Variants in SF3B1 observed in about 807,000 individuals in gnomAD.
SF3B1 encodes splicing factor 3b subunit 1.
Under a neutral mutation model 153.8 loss-of-function variants are expected in SF3B1, and 12 were observed. The ratio of observed to expected loss-of-function variants is 0.08; its 90% CI spans 0.05 to 0.13. The LOEUF (loss-of-function observed/expected upper bound fraction) is 0.13. Ranked by LOEUF, SF3B1 falls within the 10% of genes least tolerant of loss-of-function variation. The pLI is 1.00. For missense variants in SF3B1, 513 were observed against 1,606.1 expected, an observed-to-expected ratio of 0.32 and a Z score of 11.63; for synonymous variants, 498 against 525.2, an observed-to-expected ratio of 0.95 and a Z score of 0.71.
At chr2:197,409,645 T>C in intron 7 of SF3B1, 125 bp downstream of exon 7, 1 of 786,484 alleles carries the variant, frequency 1.3e-6, no homozygotes, top group African/African-American at 1.7e-5. Flanking sequence ...GTTCTATTCT[T>C]AATCTGTCCC....
At position 197,405,388 on chromosome 2, in the gene SF3B1, T is replaced by C; in HGVS notation, c.1324A>G (p.Thr442Ala). Residue 442 changes from threonine (T) to alanine (A), a missense_variant, in exon 10 of 25, where the codon ACT becomes GCT. Thr to Ala is a moderately conservative substitution (Grantham distance 58, BLOSUM62 0). Coordinates refer to ENST00000335508, the MANE Select transcript of SF3B1 (RefSeq NM_012433.4). ...TATPTPLGGM[T>A]GFHMQTEDRT... ...TCTTCAGTTTGCATGTGGAAACCAG[T>C]CATACCACCCAAAGGTGTTGGAGTA... is the stretch of plus-strand genomic sequence containing the variant. 6.2e-7 allele frequency: 1 copy of C among 1,614,026 alleles called. No individual in the cohort carries two copies. Among genetic ancestry groups the C allele is most frequent in the Non-Finnish European group, 8.5e-7 (1 of 1,179,920 alleles).
In SF3B1 at chr2:197,401,440, CAGA is replaced by C. The variant is rs2084935944; in HGVS notation, c.2453_2455del (p.Phe818del). 1 of 1,612,652 alleles carries C rather than the reference CAGA, an allele frequency of 6.2e-7. No individual in the cohort carries two copies. Among genetic ancestry groups the C allele is most frequent in the South Asian group, 1.1e-5 (1 of 90,848 alleles). On this transcript the variant is annotated inframe_deletion, in exon 17 of 25. Transcript: ENST00000335508. The surrounding 1 kb of genome is among the most constrained non-coding windows in gnomAD (Gnocchi z 4.2). The stretch of plus-strand genomic sequence containing the variant: ...TCTATCCAAAGCCATCCTGTGCTGC[CAGA>C]AGTGTTTAAAAAAGGGAGGAAGAAT...
chr2:197,418,629 T>TA, intron 4 of SF3B1, 41 bp from the exon 5 acceptor site: 4 of 1,590,790 alleles, frequency 2.5e-6, no homozygotes, highest in Non-Finnish European at 3.4e-6. Flanking sequence ...GTACAATAAA[T>TA]AAAAAATAAG....
intron 8 of SF3B1, 51 bp downstream of exon 8, chr2:197,408,318 T>C (rs1295920520): frequency 6.5e-7 from 1 of 1,549,692 alleles, no homozygotes; most frequent in East Asian, 2.2e-5. Context: ...AAGGAAAAAA[T>C]TAAATAATTT....
At chr2:197,428,263 G>T (rs1175523871) in intron 1 of SF3B1, among the ~76,000 whole-genome samples, 1 of 152,164 alleles carries the variant, frequency 6.6e-6, no homozygotes, top group African/African-American at 2.4e-5. Flanking sequence ...GGAGGTTGCA[G>T]TGAGCTGAGA....
In SF3B1 at chr2:197,392,342, CT is replaced by C; in HGVS notation, c.3875del (p.Lys1292ArgfsTer33). 1 of 1,456,618 alleles carries C rather than the reference CT, an allele frequency of 6.9e-7. No individual in the cohort carries two copies. Among genetic ancestry groups the C allele is most frequent in the Non-Finnish European group, 9.6e-7 (1 of 1,037,188 alleles). The allele number at this position is 1,456,618 out of a possible 1,614,324, so 90.2% of individuals were successfully genotyped here. On this transcript the variant is annotated frameshift_variant, in exon 25 of 25. Coordinates refer to ENST00000335508, the MANE Select transcript of SF3B1 (RefSeq NM_012433.4). LOFTEE classifies it high-confidence loss of function. ...CAAGTTCATAACGAATATAGGTGTT[CT>C]TATCATCGTTGTAGATTCTTGGGTA... ...AHYPRIYNDD[K>X]NTYIRYELDY...
chr2:197,393,009 G>C lies in SF3B1; in HGVS notation c.3719C>G (p.Ala1240Gly). The change falls in exon 24 of 25, where the codon GCT becomes GGT. Residue 1240 changes from alanine to glycine, a missense_variant. By Grantham distance (60) the Ala-to-Gly change is moderately conservative. Around this residue, in one of 21 missense-constraint regions of SF3B1, gnomAD observed 27 missense variants for 126.1 expected, o/e 0.21. Coordinates refer to ENST00000335508, the MANE Select transcript of SF3B1 (RefSeq NM_012433.4). ...TTGCAACATTCTACATGGTCCAATA[G>C]CAACTCTCAGGCCCTCTAGGGCTCC... ...VMGALEGLRV[A>G]IGPCRMLQYC... 6.2e-7 allele frequency: 1 copy of C among 1,612,528 alleles called. No homozygotes were observed. Among genetic ancestry groups the C allele is most frequent in the Non-Finnish European group, 8.5e-7 (1 of 1,178,868 alleles).
At chr2:197,420,614 C>T in intron 3 of SF3B1, 72 bp from the exon 4 acceptor site, 1 of 949,904 alleles carries the variant, frequency 1.1e-6, no homozygotes, top group Non-Finnish European at 1.6e-6. Flanking sequence ...AAACAAAAAT[C>T]AGAACACCAT....
Position 197,405,342 on chromosome 2 carries a change from T to G in SF3B1, c.1370A>C (p.Asn457Thr). ...TGGAAGATTTCCAGATGGCTGGTCA[T>G]TAACACTTTTCATAGTTCGATCTTC... is the stretch of plus-strand genomic sequence containing the variant. ...QTEDRTMKSV[N>T]DQPSGNLPFL... Residue 457 changes from asparagine to threonine, a missense_variant, in exon 10 of 25, where the codon AAT (asparagine) becomes ACT (threonine). By Grantham distance (65) the Asn-to-Thr change is moderately conservative. Coordinates refer to ENST00000335508, the MANE Select transcript of SF3B1 (RefSeq NM_012433.4). 6.2e-7 allele frequency: 1 copy of G among 1,614,140 alleles called. No homozygotes were observed. Among genetic ancestry groups the G allele is most frequent in the East Asian group, 2.2e-5 (1 of 44,866 alleles).
At chr2:197,427,220 AG>A (rs1449158495) in intron 1 of SF3B1, among the ~76,000 whole-genome samples, 4 of 152,228 alleles carry the variant, frequency 2.6e-5, no homozygotes, top group African/African-American at 9.7e-5. Context: ...GGGGCTAGGC[AG>A]CTGTTTGTAG....
At chr2:197,427,358 T>C (rs2085350931) in intron 1 of SF3B1, among the ~76,000 whole-genome samples, 1 of 152,260 alleles carries the variant, frequency 6.6e-6, no homozygotes, top group Non-Finnish European at 1.5e-5. Flanking sequence ...AACAGCTTAA[T>C]GGGCTTTGTT....
chr2:197,398,729 T>G, intron 20 of SF3B1, 148 bp from the exon 21 acceptor site: 1 of 716,712 alleles, frequency 1.4e-6, no homozygotes, highest in South Asian at 2.0e-5. Context: ...CTGACCAGAC[T>G]CAGAATCGTT....
chr2:197,413,964 GC>G (rs1341426266), intron 6 of SF3B1, among the ~76,000 whole-genome samples: 1 of 152,042 alleles, frequency 6.6e-6, no homozygotes, highest in African/African-American at 2.4e-5. Context: ...CCGCCAACAT[GC>G]CGGGCTAATT....
At chr2:197,413,332 C>A (rs1444752271) in intron 6 of SF3B1, among the ~76,000 whole-genome samples, 1 of 152,116 alleles carries the variant, frequency 6.6e-6, no homozygotes, top group East Asian at 1.9e-4. Context: ...GTCTGGGAGG[C>A]GGAGATTGCA....
At chr2:197,430,768 T>C (rs576081802) in intron 1 of SF3B1, among the ~76,000 whole-genome samples, 2 of 152,200 alleles carry the variant, frequency 1.3e-5, no homozygotes, top group African/African-American at 4.8e-5. Context: ...CTAGTGTTAT[T>C]AAAACCTGTC....
chr2:197,425,056 G>A (rs1184967565), intron 1 of SF3B1, among the ~76,000 whole-genome samples: 1 of 152,218 alleles, frequency 6.6e-6, no homozygotes, highest in Non-Finnish European at 1.5e-5. Flanking sequence ...CTACTCAGGA[G>A]GCTGAGGCAG....
chr2:197,422,215 G>C (rs1364794528), intron 2 of SF3B1, among the ~76,000 whole-genome samples: 1 of 151,754 alleles, frequency 6.6e-6, no homozygotes, highest in Non-Finnish European at 1.5e-5. Flanking sequence ...CTGGCTTCTA[G>C]AAATTTCACC....
At chr2:197,434,809 G>T (rs1661995537) in intron 1 of SF3B1, among the ~76,000 whole-genome samples, 163 bp downstream of exon 1, 1 of 152,250 alleles carries the variant, frequency 6.6e-6, no homozygotes, top group Non-Finnish European at 1.5e-5. Flanking sequence ...CCATTACGCG[G>T]GGCAGTGGCC....
intron 6 of SF3B1, among the ~76,000 whole-genome samples, chr2:197,413,399 CTG>C (rs1157403889): frequency 6.6e-6 from 1 of 152,182 alleles, no homozygotes; most frequent in African/African-American, 2.4e-5. Context: ...GAGCAAGACT[CTG>C]TCTCAAAAAT....
Sources: allele counts gnomAD v4.1 joint callset (sites outside exome capture counted in the v4.1 genomes callset), GRCh38; gene constraint gnomAD v4.1.1; regional missense constraint gnomAD v4.1.1; non-coding constraint Gnocchi (gnomAD v3.1); transcripts MANE v1.5; gene names NCBI Gene and HGNC (gene_info 2026-07-23, HGNC 2026-07-21).